The following LYNX1 variants were observed in gnomAD, a reference collection of about 807,000 sequenced individuals.
The protein encoded by LYNX1 is Ly6/neurotoxin 1, also known as ly-6/neurotoxin-like protein 1.
A neutral mutation model predicts 8.3 loss-of-function variants in LYNX1; 8 were observed. The ratio of observed to expected loss-of-function variants is 0.97; its 90% CI spans 0.57 to 1.74. LYNX1 has a LOEUF of 1.74. Among genes scored for constraint, LYNX1 ranks in the 40% most tolerant of loss-of-function variants. The pLI, the probability that LYNX1 is intolerant of heterozygous loss-of-function variation, is 0.00. For synonymous variants in LYNX1, 73 were observed against 67.9 expected, an observed-to-expected ratio of 1.08 and a Z score of -0.37; for missense variants, 158 against 159.7, an observed-to-expected ratio of 0.99 and a Z score of 0.06.
In LYNX1 at chr8:142,774,149, T is replaced by TACCCC; in HGVS notation, c.*1017_*1018insGGGGT. ...CGGGGGAGGGGCTGGGTCTCCGCCC[T>TACCCC]CCCCACCCCACCCTCCCCACTCCCG... On this transcript the variant is annotated 3_prime_UTR_variant, in exon 4 of 4. Transcript: ENST00000652477. 1.4e-6 allele frequency: 1 copy of TACCCC among 725,214 alleles called. No individual in the cohort carries two copies. The highest frequency in any genetic ancestry group is 1.6e-6 in the Non-Finnish European group (1 of 608,418). The allele number at this position is 725,214 out of a possible 1,614,324, so 44.9% of individuals were successfully genotyped here. A position where few individuals can be genotyped will look rare whatever the true frequency, so the allele number is the denominator to read the frequency against.
At position 142,771,329 on chromosome 8, in the gene LYNX1, A is replaced by T; in HGVS notation, c.*3838T>A. 3.0e-6 allele frequency: 3 copies of T among 985,612 alleles called. No individual in the cohort carries two copies. Among genetic ancestry groups the T allele is most frequent in the Non-Finnish European group, 3.6e-6 (3 of 830,040 alleles). The allele number at this position is 985,612 out of a possible 1,614,324, so 61.1% of individuals were successfully genotyped here. A position where few individuals can be genotyped will look rare whatever the true frequency, so the allele number is the denominator to read the frequency against. On this transcript the variant is annotated 3_prime_UTR_variant, in exon 4 of 4. Transcript: ENST00000652477. ...GCACCTGGACCCCAGAACATAAGAC[A>T]GGAGGGAGAGATGCCATCCATTCAG...
In LYNX1 at chr8:142,774,020, T is replaced by C; in HGVS notation, c.*1147A>G. On this transcript the variant is annotated 3_prime_UTR_variant, in exon 4 of 4. Coordinates refer to ENST00000652477, the MANE Select transcript of LYNX1 (RefSeq NM_177477.4). ...CTTCCCAGGCCTGGGGTGGGGTCCCTGGGAGTCCACACACCCAGCTGGGGC... is the reference window on the plus strand; with the variant it reads ...CTTCCCAGGCCTGGGGTGGGGTCCCCGGGAGTCCACACACCCAGCTGGGGC... 1 of 985,510 alleles carries C rather than the reference T, an allele frequency of 1.0e-6. No individual in the cohort carries two copies. The highest frequency in any genetic ancestry group is 1.2e-6 in the Non-Finnish European group (1 of 830,022). The allele number at this position is 985,510 out of a possible 1,614,324, so 61.0% of individuals were successfully genotyped here. A position where few individuals can be genotyped will look rare whatever the true frequency, so the allele number is the denominator to read the frequency against.
rs1164269345 is a variant in LYNX1 at position 142,771,718 on chromosome 8, G to A, written c.*3449C>T. ...TCTGCTTCTTTTGACCTTTTTCAGA[G>A]TTTCAGAGTTATGAACCAAATCGCC... On this transcript the variant is annotated 3_prime_UTR_variant, in exon 4 of 4. Coordinates refer to ENST00000652477, the MANE Select transcript of LYNX1 (RefSeq NM_177477.4). 23 of 985,666 alleles carry A rather than the reference G, an allele frequency of 2.3e-5. No individual in the cohort carries two copies. Among genetic ancestry groups the A allele is most frequent in the South Asian group, 9.4e-5 (2 of 21,264 alleles). 61.1% of individuals were successfully genotyped at this position (985,666 alleles called of 1,614,324 possible).
rs887877492 is a variant in LYNX1 at position 142,771,507 on chromosome 8, T to C, written c.*3660A>G. ...CCGTGTGTCTCTCGGGCTGCCCAGG[T>C]GGCTCTGTCCACCCTTCTGTCTGGG... On this transcript the variant is annotated 3_prime_UTR_variant, in exon 4 of 4. Transcript: ENST00000652477. 8.1e-6 allele frequency: 8 copies of C among 985,180 alleles called. No homozygotes were observed. The highest frequency in any genetic ancestry group is 9.6e-6 in the Non-Finnish European group (8 of 829,902). 61.0% of individuals were successfully genotyped at this position (985,180 alleles called of 1,614,324 possible).
Position 142,775,178 on chromosome 8 carries a change from C to T in LYNX1, c.340G>A (p.Gly114Ser), listed in dbSNP as rs753398738. 35 of 1,611,372 alleles carry T rather than the reference C, an allele frequency of 2.2e-5. No individual in the cohort carries two copies. Among genetic ancestry groups the T allele is most frequent in the Non-Finnish European group, 2.8e-5 (33 of 1,179,110 alleles). ...CTGCCTCGGGGGCTTTAGAGGAGACCCCAGAGGGTGGCCAGGAGGATGGGG... is the reference window on the plus strand; with the variant it reads ...CTGCCTCGGGGGCTTTAGAGGAGACTCCAGAGGGTGGCCAGGAGGATGGGG... ...LAPILLATLW[G>S]LL is the part of the protein sequence containing the mutation. The change falls in exon 4 of 4, where the codon GGT (glycine) becomes AGT (serine). Residue 114 changes from glycine to serine, a missense_variant. Coordinates refer to ENST00000652477, the MANE Select transcript of LYNX1 (RefSeq NM_177477.4).
At position 142,776,054 on chromosome 8, in the gene LYNX1, T is replaced by C; in HGVS notation, c.-97A>G. ...GGCGCACAGAGGATCCAACTCAGGG[T>C]GGTGCGCAGAGGACGTGGGGCCGGC... On this transcript the variant is annotated 5_prime_UTR_variant, in exon 2 of 4. Transcript: ENST00000652477. The C allele has an allele frequency of 1.4e-6, 2 of 1,450,556 alleles. No homozygotes were observed. The highest frequency in any genetic ancestry group is 4.7e-5 in the East Asian group (2 of 42,554). The allele number at this position is 1,450,556 out of a possible 1,614,324, so 89.9% of individuals were successfully genotyped here. A position where few individuals can be genotyped will look rare whatever the true frequency, so the allele number is the denominator to read the frequency against.
In LYNX1 at chr8:142,773,473, C is replaced by T. The variant is rs977501973; in HGVS notation, c.*1694G>A. ...AGTCACGTTCCTCCCGCTCCGGGCCCGTTCCCACCCAAGGTCCCTTTGCAG... is the reference window on the plus strand; with the variant it reads ...AGTCACGTTCCTCCCGCTCCGGGCCTGTTCCCACCCAAGGTCCCTTTGCAG... On this transcript the variant is annotated 3_prime_UTR_variant, in exon 4 of 4. Transcript: ENST00000652477. 5.1e-6 allele frequency: 5 copies of T among 985,530 alleles called. No homozygotes were observed. Among genetic ancestry groups the T allele is most frequent in the East Asian group, 1.1e-4 (1 of 8,806 alleles). The allele number at this position is 985,530 out of a possible 1,614,324, so 61.0% of individuals were successfully genotyped here. A position where few individuals can be genotyped will look rare whatever the true frequency, so the allele number is the denominator to read the frequency against.
Position 142,774,683 on chromosome 8 carries a change from G to C in LYNX1, c.*484C>G, listed in dbSNP as rs891721277. 249 of 994,138 alleles carry C rather than the reference G, an allele frequency of 2.5e-4. No individual in the cohort carries two copies. Among genetic ancestry groups the C allele is most frequent in the Non-Finnish European group, 2.9e-4 (240 of 835,464 alleles). The allele number at this position is 994,138 out of a possible 1,614,324, so 61.6% of individuals were successfully genotyped here. Reference sequence around the variant, plus strand: ...CCCTGATCCCGTACCGGTCCTGGCAGCTCCTGGCCTCAGTAGGAAGCGTGA... The same window carrying C: ...CCCTGATCCCGTACCGGTCCTGGCACCTCCTGGCCTCAGTAGGAAGCGTGA... On this transcript the variant is annotated 3_prime_UTR_variant, in exon 4 of 4. Coordinates refer to ENST00000652477, the MANE Select transcript of LYNX1 (RefSeq NM_177477.4).
In LYNX1 at chr8:142,771,960, A is replaced by T. The variant is rs587659262; in HGVS notation, c.*3207T>A. The stretch of plus-strand genomic sequence containing the variant: ...GTCCCACCCCAGGGTCACTTCCTGT[A>T]GCTCCGACTTCTCTAGTGGCTGATT... On this transcript the variant is annotated 3_prime_UTR_variant, in exon 4 of 4. Coordinates refer to ENST00000652477, the MANE Select transcript of LYNX1 (RefSeq NM_177477.4). 1 of 986,068 alleles carries T rather than the reference A, an allele frequency of 1.0e-6. No homozygotes were observed. The highest frequency in any genetic ancestry group is 1.1e-4 in the East Asian group (1 of 8,796). 61.1% of individuals were successfully genotyped at this position (986,068 alleles called of 1,614,324 possible). A position where few individuals can be genotyped will look rare whatever the true frequency, so the allele number is the denominator to read the frequency against.
Position 142,774,735 on chromosome 8 carries a change from A to C in LYNX1, c.*432T>G. 2.0e-6 allele frequency: 2 copies of C among 1,022,528 alleles called. No homozygotes were observed. The highest frequency in any genetic ancestry group is 1.2e-6 in the Non-Finnish European group (1 of 853,116). The allele number at this position is 1,022,528 out of a possible 1,614,324, so 63.3% of individuals were successfully genotyped here. On this transcript the variant is annotated 3_prime_UTR_variant, in exon 4 of 4. Coordinates refer to ENST00000652477, the MANE Select transcript of LYNX1 (RefSeq NM_177477.4). ...TAGGCCTGGAGGAGCCTTTCCTCCT[A>C]AGAGTCTCCCCACCACCCCACCTGC...
Position 142,774,211 on chromosome 8 carries a change from T to C in LYNX1, c.*956A>G. On this transcript the variant is annotated 3_prime_UTR_variant, in exon 4 of 4. Coordinates refer to ENST00000652477, the MANE Select transcript of LYNX1 (RefSeq NM_177477.4). ...CCACGAGAGGGTGGCATGCTCCGCC[T>C]TCCCACGCCCAGGCCCGCGCCGGCC... 1 of 944,070 alleles carries C rather than the reference T, an allele frequency of 1.1e-6. No homozygotes were observed. The highest frequency in any genetic ancestry group is 1.2e-6 in the Non-Finnish European group (1 of 819,518). 58.5% of individuals were successfully genotyped at this position (944,070 alleles called of 1,614,324 possible). A position where few individuals can be genotyped will look rare whatever the true frequency, so the allele number is the denominator to read the frequency against.
Position 142,775,342 on chromosome 8 carries a change from T to C in LYNX1, c.176A>G (p.Lys59Arg), listed in dbSNP as rs114034813. ...GCGGGGCACGCAGGACTTACTGACC[T>C]TCATCCTGGTGGGGGTGTAGTCTGC... is the stretch of plus-strand genomic sequence containing the variant. ...TRTYYTPTRMKVSKSCVPRCF... is the reference protein window; with the variant it reads ...TRTYYTPTRMRVSKSCVPRCF... The change falls in exon 4 of 4, where the codon AAG (lysine) becomes AGG (arginine). Residue 59 changes from lysine (K) to arginine (R), a missense_variant. By Grantham distance (26) the Lys-to-Arg change is conservative (BLOSUM62 2). Coordinates refer to ENST00000652477, the MANE Select transcript of LYNX1 (RefSeq NM_177477.4). 4.9e-4 allele frequency: 791 copies of C among 1,613,760 alleles called. 3 individuals are homozygous for C. The African/African-American group carries it at 9.9e-3, about 20-fold the overall frequency.
In LYNX1 at chr8:142,775,320, G is replaced by A. The variant is rs1299684998; in HGVS notation, c.198C>T (p.Pro66=). Residue 66 remains proline, a synonymous_variant, in exon 4 of 4, where the codon CCC becomes CCT. Coordinates refer to ENST00000652477, the MANE Select transcript of LYNX1 (RefSeq NM_177477.4). ...CATCATACACAGTCTCGAAGCAGCG[G>A]GGCACGCAGGACTTACTGACCTTCA... ...TRMKVSKSCV[P]RCFETVYDGY... 1.2e-6 allele frequency: 2 copies of A among 1,613,974 alleles called. No homozygotes were observed.
chr8:142,775,767 G>GC, intron 2 of LYNX1, 73 bp from the exon 3 acceptor site: 1 of 1,533,104 alleles, frequency 6.5e-7, no homozygotes, highest in African/African-American at 1.4e-5. Flanking sequence ...AGCCCATCAG[G>GC]CCCCCAGCCC....
Position 142,776,108 on chromosome 8 carries a change from G to A in LYNX1, c.-151C>T. On this transcript the variant is annotated 5_prime_UTR_variant, in exon 2 of 4. Transcript: ENST00000652477. ...GCCTCCCGGAGCTCCTGGTCTACTGGGAGTGCTGCAACCCTGCACAGCAGG... is the reference window on the plus strand; with the variant it reads ...GCCTCCCGGAGCTCCTGGTCTACTGAGAGTGCTGCAACCCTGCACAGCAGG... The A allele has an allele frequency of 1.2e-6, 1 of 861,946 alleles. No homozygotes were observed. Among genetic ancestry groups the A allele is most frequent in the Non-Finnish European group, 1.8e-6 (1 of 542,864 alleles). The allele number at this position is 861,946 out of a possible 1,614,324, so 53.4% of individuals were successfully genotyped here. A position where few individuals can be genotyped will look rare whatever the true frequency, so the allele number is the denominator to read the frequency against.
rs1353989168 is a variant in LYNX1 at position 142,774,358 on chromosome 8, TTCCC to T, written c.*805_*808del. On this transcript the variant is annotated 3_prime_UTR_variant, in exon 4 of 4. Coordinates refer to ENST00000652477, the MANE Select transcript of LYNX1 (RefSeq NM_177477.4). The stretch of plus-strand genomic sequence containing the variant: ...TCGGGGGACCACCTGCTCTGCCCCT[TTCCC>T]TCCCTGCCCAGAATAGCGCTGGCCG... The T allele has an allele frequency of 1.0e-6, 1 of 985,850 alleles. No homozygotes were observed. The highest frequency in any genetic ancestry group is 1.2e-6 in the Non-Finnish European group (1 of 830,324). 61.1% of individuals were successfully genotyped at this position (985,850 alleles called of 1,614,324 possible).
chr8:142,773,175 TC>T lies in LYNX1; in HGVS notation c.*1991del. 1 of 985,594 alleles carries T rather than the reference TC, an allele frequency of 1.0e-6. No homozygotes were observed. Among genetic ancestry groups the T allele is most frequent in the Middle Eastern group, 5.2e-4 (1 of 1,914 alleles). 61.1% of individuals were successfully genotyped at this position (985,594 alleles called of 1,614,324 possible). A position where few individuals can be genotyped will look rare whatever the true frequency, so the allele number is the denominator to read the frequency against. On this transcript the variant is annotated 3_prime_UTR_variant, in exon 4 of 4. Transcript: ENST00000652477. ...ACTTAGGAGCCCAAAGCCGCCTCCCTCCCGGTAAGCATCCCAAGGCATCGCT... is the reference window on the plus strand; with the variant it reads ...ACTTAGGAGCCCAAAGCCGCCTCCCTCCGGTAAGCATCCCAAGGCATCGCT...
At position 142,776,266 on chromosome 8, in the gene LYNX1, G is replaced by C. The variant is rs1587617629; in HGVS notation, c.-164-145C>G. The C allele has an allele frequency of 1.3e-5, 6 of 474,008 alleles. No homozygotes were observed. In the South Asian group the frequency reaches 1.3e-4, roughly 10 times the overall value. The allele number at this position is 474,008 out of a possible 1,614,324, so 29.4% of individuals were successfully genotyped here. ...TCCTGGAGGAGGAGACACTTGGGAT[G>C]GGACAAGAAGGGAGAAGAGATCAGG... On this transcript the variant is annotated intron_variant, in intron 1 of 3. Transcript: ENST00000652477.
chr8:142,772,655 G>C lies in LYNX1; in HGVS notation c.*2512C>G, dbSNP rs1815231454. ...GTGCTCAGGGCCACAGTGCAGTGGG[G>C]GGACCCACGTCCATCGCCACCTTGA... On this transcript the variant is annotated 3_prime_UTR_variant, in exon 4 of 4. Coordinates refer to ENST00000652477, the MANE Select transcript of LYNX1 (RefSeq NM_177477.4). The C allele has an allele frequency of 1.6e-5, 16 of 985,446 alleles. No homozygotes were observed. The highest frequency in any genetic ancestry group is 1.9e-5 in the Non-Finnish European group (16 of 830,026). 61.0% of individuals were successfully genotyped at this position (985,446 alleles called of 1,614,324 possible). A position where few individuals can be genotyped will look rare whatever the true frequency, so the allele number is the denominator to read the frequency against.
Sources: allele counts gnomAD v4.1 joint callset, GRCh38; gene constraint gnomAD v4.1.1; transcripts MANE v1.5; gene names NCBI Gene and HGNC (gene_info 2026-07-23, HGNC 2026-07-21).